The following WDFY1 variants were observed in gnomAD, a reference collection of about 807,000 sequenced individuals.
The protein encoded by WDFY1 is WD repeat and FYVE domain containing 1, also known as WD repeat and FYVE domain-containing protein 1.
WDFY1 carries 32 observed loss-of-function variants against 56.4 expected under a neutral mutation model. That is an observed-to-expected ratio of 0.57 (90% CI 0.43 to 0.76). WDFY1 has a LOEUF of 0.76. Among genes scored for constraint, WDFY1 ranks in the 30% least tolerant of loss-of-function variants. The probability of loss-of-function intolerance (pLI) is 0.00; values close to 1 mark genes in which losing one functional copy is unlikely to be tolerated. For synonymous variants in WDFY1, 192 were observed against 197.3 expected, an observed-to-expected ratio of 0.97 and a Z score of 0.23; for missense variants, 480 against 545.7, an observed-to-expected ratio of 0.88 and a Z score of 1.20.
intron 4 of WDFY1, among the ~76,000 whole-genome samples, chr2:223,903,143 T>G (rs1693532227): frequency 6.6e-6 from 1 of 152,182 alleles, no homozygotes; most frequent in South Asian, 2.1e-4. Context: ...CTCCAAATGT[T>G]TTCTAAAATG....
At chr2:223,882,271 C>T (rs567554313) in intron 9 of WDFY1, among the ~76,000 whole-genome samples, 199 bp from the exon 10 acceptor site, 5 of 152,252 alleles carry the variant, frequency 3.3e-5, no homozygotes, top group African/African-American at 4.8e-5. Flanking sequence ...CCTGTCACCA[C>T]GCCTGACTAA....
intron 3 of WDFY1, among the ~76,000 whole-genome samples, chr2:223,911,957 C>G (rs1469107126): frequency 6.6e-6 from 1 of 151,946 alleles, no homozygotes; most frequent in Non-Finnish European, 1.5e-5. Flanking sequence ...GCTGGGACCA[C>G]AGGCATGCAC....
intron 6 of WDFY1, among the ~76,000 whole-genome samples, chr2:223,896,764 G>T (rs944407952): frequency 4.6e-4 from 70 of 152,170 alleles, no homozygotes; most frequent in Non-Finnish European, 8.7e-4. Context: ...AACAAAAGTA[G>T]AAACAAATAT....
At chr2:223,913,209 T>A (rs1311929163) in intron 2 of WDFY1, among the ~76,000 whole-genome samples, 2 of 119,368 alleles carry the variant, frequency 1.7e-5, no homozygotes, top group Non-Finnish European at 3.2e-5. Context: ...TGAAACTCCA[T>A]CTCAAAAAAA....
At chr2:223,919,579 G>T (rs1056525494) in intron 1 of WDFY1, among the ~76,000 whole-genome samples, 1 of 152,032 alleles carries the variant, frequency 6.6e-6, no homozygotes, top group Non-Finnish European at 1.5e-5. Flanking sequence ...GTGCAATCAC[G>T]GCTCATAGCA....
intron 4 of WDFY1, among the ~76,000 whole-genome samples, chr2:223,903,252 T>C (rs1486538963): frequency 6.6e-6 from 1 of 152,146 alleles, no homozygotes; most frequent in Non-Finnish European, 1.5e-5. Flanking sequence ...CGGGGCTTGG[T>C]GGCTCATGCC....
chr2:223,921,330 A>C (rs79742343), intron 1 of WDFY1, among the ~76,000 whole-genome samples: 1,811 of 152,340 alleles, frequency 0.012, 26 homozygotes, highest in African/African-American at 0.041. Context: ...TTAATCCTTT[A>C]GATCCACCAA....
chr2:223,884,841 G>C, intron 8 of WDFY1, 92 bp from the exon 9 acceptor site: 1 of 1,109,496 alleles, frequency 9.0e-7, no homozygotes, highest in South Asian at 1.4e-5. Flanking sequence ...CCTTGCCAAG[G>C]TTAGTATTTC....
chr2:223,910,608 C>T (rs1693680610), intron 3 of WDFY1, among the ~76,000 whole-genome samples: 1 of 152,040 alleles, frequency 6.6e-6, no homozygotes, highest in Non-Finnish European at 1.5e-5. Context: ...ATAGATATTT[C>T]TCCAAAGAAG....
chr2:223,920,686 T>A (rs968108226), intron 1 of WDFY1, among the ~76,000 whole-genome samples: 3 of 152,188 alleles, frequency 2.0e-5, no homozygotes, highest in Non-Finnish European at 4.4e-5. Flanking sequence ...GCATGGCTGG[T>A]GCACGATCCT....
At chr2:223,903,644 T>G (rs1403024223) in intron 4 of WDFY1, among the ~76,000 whole-genome samples, 2 of 23,296 alleles carry the variant, frequency 8.6e-5, no homozygotes, top group African/African-American at 2.1e-4. Flanking sequence ...CACACACGTT[T>G]TTTGTTTTTT....
At chr2:223,945,093 C>T in intron 1 of WDFY1, 55 bp downstream of exon 1, 1 of 1,526,454 alleles carries the variant, frequency 6.6e-7, no homozygotes. Context: ...ACCCCACCGC[C>T]CCCACACCCC....
At chr2:223,935,609 T>C (rs997205227) in intron 1 of WDFY1, among the ~76,000 whole-genome samples, 1 of 152,260 alleles carries the variant, frequency 6.6e-6, no homozygotes, top group Admixed American at 6.5e-5. Flanking sequence ...AAATGTCTAC[T>C]GTGCAGAAAT....
At chr2:223,926,260 C>A (rs1693976530) in intron 1 of WDFY1, among the ~76,000 whole-genome samples, 1 of 152,104 alleles carries the variant, frequency 6.6e-6, no homozygotes, top group South Asian at 2.1e-4. Flanking sequence ...GATCCTCCCA[C>A]CTCAGGTTCC....
At chr2:223,909,538 T>C (rs1281715605) in intron 3 of WDFY1, among the ~76,000 whole-genome samples, 1 of 152,102 alleles carries the variant, frequency 6.6e-6, no homozygotes, top group African/African-American at 2.4e-5. Context: ...TGTGCCAACT[T>C]CACATGGCCA....
At chr2:223,916,735 A>G (rs1693794055) in intron 2 of WDFY1, among the ~76,000 whole-genome samples, 1 of 152,004 alleles carries the variant, frequency 6.6e-6, no homozygotes, top group Admixed American at 6.6e-5. Flanking sequence ...GAAGTGGGAG[A>G]CAAGGATGGT....
At chr2:223,923,255 G>A (rs563125140) in intron 1 of WDFY1, among the ~76,000 whole-genome samples, 1 of 152,240 alleles carries the variant, frequency 6.6e-6, no homozygotes, top group African/African-American at 2.4e-5. Flanking sequence ...ATTAAACAGA[G>A]ATGCTCATTT....
chr2:223,905,563 A>C (rs1449840483), intron 4 of WDFY1, among the ~76,000 whole-genome samples: 2 of 151,952 alleles, frequency 1.3e-5, no homozygotes, highest in Admixed American at 6.6e-5. Flanking sequence ...GAGAATACCC[A>C]CACACACACA....
intron 4 of WDFY1, among the ~76,000 whole-genome samples, chr2:223,905,044 G>A (rs535616133): frequency 4.6e-5 from 7 of 152,230 alleles, no homozygotes; most frequent in South Asian, 2.1e-4. Flanking sequence ...AATCATAAAC[G>A]GACATTCAGA....
Sources: allele counts gnomAD v4.1 joint callset (sites outside exome capture counted in the v4.1 genomes callset), GRCh38; gene constraint gnomAD v4.1.1; transcripts MANE v1.5; gene names NCBI Gene and HGNC (gene_info 2026-07-23, HGNC 2026-07-21).